Variants in STK40 observed in about 807,000 individuals in gnomAD.
The protein encoded by STK40 is serine/threonine kinase 40, also known as serine/threonine-protein kinase 40.
A neutral mutation model predicts 47.9 loss-of-function variants in STK40; 13 were observed. The ratio of observed to expected loss-of-function variants is 0.27; its 90% CI spans 0.18 to 0.43. The LOEUF (loss-of-function observed/expected upper bound fraction) is 0.43, where lower values mean the gene tolerates loss of function less well. STK40 is among the 20% of genes least tolerant of loss of function. STK40 has a pLI of 1.00. For synonymous variants in STK40, 225 were observed against 243.2 expected, an observed-to-expected ratio of 0.93 and a Z score of 0.69; for missense variants, 460 against 595.1, an observed-to-expected ratio of 0.77 and a Z score of 2.36.
intron 1 of STK40, among the ~76,000 whole-genome samples, chr1:36,378,532 C>T (rs1193320075): frequency 6.6e-6 from 1 of 151,914 alleles, no homozygotes; most frequent in Non-Finnish European, 1.5e-5. Flanking sequence ...GATCTTGGCT[C>T]ACTGCAACCT....
At chr1:36,365,178 T>TG (rs1370972384) in intron 1 of STK40, among the ~76,000 whole-genome samples, 1 of 152,126 alleles carries the variant, frequency 6.6e-6, no homozygotes, top group Non-Finnish European at 1.5e-5. Flanking sequence ...TTAGTAGAGA[T>TG]GGGGTTCTTC....
Position 36,385,879 on chromosome 1 carries a change from G to A in STK40, c.-165C>T, listed in dbSNP as rs1293629626. The A allele has an allele frequency of 1.0e-4, 18 of 178,212 alleles. No homozygotes were observed. Among genetic ancestry groups the A allele is most frequent in the South Asian group, 5.3e-4 (4 of 7,558 alleles). The allele number at this position is 178,212 out of a possible 1,614,324, so 11.0% of individuals were successfully genotyped here. On this transcript the variant is annotated 5_prime_UTR_variant, in exon 1 of 11. Transcript: ENST00000373132. ...CACCCGAGCCGCCGCCGCCGCCGCC[G>A]CCGCCTCCCTCCATGGCTGCGGCGC...
At chr1:36,355,457 G>A in intron 4 of STK40, 24 bp from the exon 5 acceptor site, 2 of 1,613,318 alleles carry the variant, frequency 1.2e-6, no homozygotes, top group South Asian at 2.2e-5. Context: ...GGGTAGCGCA[G>A]GGCTTGGCTG....
At chr1:36,365,336 C>T (rs1570455927) in intron 1 of STK40, among the ~76,000 whole-genome samples, 2 of 152,190 alleles carry the variant, frequency 1.3e-5, no homozygotes, top group African/African-American at 2.4e-5. Context: ...ATATGTGGTG[C>T]ACCAGAAAGT....
intron 7 of STK40, among the ~76,000 whole-genome samples, chr1:36,344,856 T>C (rs1196727145): frequency 3.9e-5 from 6 of 152,210 alleles, no homozygotes; most frequent in Admixed American, 1.3e-4. Flanking sequence ...AGTTTCCTCA[T>C]CTGTAAAGCG....
intron 4 of STK40, among the ~76,000 whole-genome samples, chr1:36,356,428 T>C (rs1266717238): frequency 2.8e-5 from 4 of 143,330 alleles, no homozygotes; most frequent in Non-Finnish European, 4.6e-5. Flanking sequence ...CTTTTTTTTT[T>C]TTTTTTTTTT....
chr1:36,357,291 T>C (rs1042970053), intron 4 of STK40, among the ~76,000 whole-genome samples: 2 of 152,250 alleles, frequency 1.3e-5, no homozygotes, highest in Admixed American at 1.3e-4. Context: ...AAAATGTGAC[T>C]GCTCTCTCTG....
intron 1 of STK40, among the ~76,000 whole-genome samples, chr1:36,370,060 T>C (rs1023998552): frequency 2.3e-4 from 35 of 152,206 alleles, no homozygotes; most frequent in African/African-American, 8.0e-4. Flanking sequence ...TGTAGGTAAC[T>C]GGGGCTGCAC....
intron 1 of STK40, among the ~76,000 whole-genome samples, chr1:36,362,051 T>C (rs1646856996): frequency 6.6e-6 from 1 of 152,182 alleles, no homozygotes. Context: ...AAATTCATTG[T>C]GTATTTAAGA....
intron 5 of STK40, 45 bp from the exon 6 acceptor site, chr1:36,354,461 T>G: frequency 6.2e-7 from 1 of 1,610,540 alleles, no homozygotes; most frequent in Non-Finnish European, 8.5e-7. Flanking sequence ...ATGTGAGAGG[T>G]GGGGTCAGGG....
rs753999213 is a variant in STK40, at chr1:36,344,098, C to T, written c.884+22G>A. On this transcript the variant is annotated intron_variant, in intron 8 of 10. Coordinates refer to ENST00000373132, the MANE Select transcript of STK40 (RefSeq NM_001282547.2). ...CCCATCAGGCTGGCTGCCCCCCCCA[C>T]CCCCCGGGAGGCAGGACTCACTCAG... 19 of 1,568,030 alleles carry T rather than the reference C, an allele frequency of 1.2e-5. No homozygotes were observed. In the South Asian group the frequency reaches 2.1e-4, roughly 17 times the overall value.
In STK40 at chr1:36,343,563, C is replaced by T. The variant is rs929627401; in HGVS notation, c.1005-115G>A. On this transcript the variant is annotated intron_variant, in intron 9 of 10. Coordinates refer to ENST00000373132, the MANE Select transcript of STK40 (RefSeq NM_001282547.2). ...GTTCCTGCCATGAGAGACTGCTTCTCTGAGCCTCAGTTTTCTTATCCCATA... is the reference window on the plus strand; with the variant it reads ...GTTCCTGCCATGAGAGACTGCTTCTTTGAGCCTCAGTTTTCTTATCCCATA... The T allele has an allele frequency of 2.8e-6, 3 of 1,083,832 alleles. No individual in the cohort carries two copies. In the African/African-American group the frequency reaches 4.8e-5, roughly 17 times the overall value. The allele number at this position is 1,083,832 out of a possible 1,614,324, so 67.1% of individuals were successfully genotyped here.
At chr1:36,376,391 G>A (rs565034302) in intron 1 of STK40, among the ~76,000 whole-genome samples, 79 of 152,310 alleles carry the variant, frequency 5.2e-4, no homozygotes, top group African/African-American at 1.9e-3. Context: ...TGAAACCATA[G>A]CCAACAAAGA....
chr1:36,345,618 C>T (rs2124725694), intron 7 of STK40, among the ~76,000 whole-genome samples: 1 of 152,314 alleles, frequency 6.6e-6, no homozygotes, highest in South Asian at 2.1e-4. Context: ...CTAGAACTTG[C>T]TCCACCAAGT....
At chr1:36,350,419 G>T (rs560890304) in intron 6 of STK40, among the ~76,000 whole-genome samples, 97 of 152,324 alleles carry the variant, frequency 6.4e-4, no homozygotes, top group African/African-American at 2.2e-3. Flanking sequence ...GGTCTCTGAG[G>T]CTCAAGACGC....
intron 1 of STK40, among the ~76,000 whole-genome samples, chr1:36,367,079 C>T (rs1183794892): frequency 2.0e-5 from 3 of 151,278 alleles, no homozygotes; most frequent in Non-Finnish European, 2.9e-5. Context: ...AACTCCTGAC[C>T]TTAGGTAATC....
chr1:36,376,443 C>T (rs11577907), intron 1 of STK40, among the ~76,000 whole-genome samples: 29,951 of 152,154 alleles, frequency 0.2, 3,082 homozygotes, highest in Non-Finnish European at 0.23. Flanking sequence ...ATGCCAGTTC[C>T]GGGGATGGAT....
intron 2 of STK40, among the ~76,000 whole-genome samples, chr1:36,359,823 CCA>C (rs1646836417): frequency 6.6e-6 from 1 of 152,222 alleles, no homozygotes; most frequent in Admixed American, 6.5e-5. Context: ...CTGTCCCATG[CCA>C]CACTCCAGCT....
intron 1 of STK40, among the ~76,000 whole-genome samples, chr1:36,370,625 C>T (rs1383739200): frequency 1.3e-5 from 2 of 152,120 alleles, no homozygotes; most frequent in East Asian, 1.9e-4. Context: ...TAGATTCCTG[C>T]GCACCTCTCT....
Sources: gnomAD v4.1 joint callset for allele counts (sites outside exome capture counted in the v4.1 genomes callset) on GRCh38, gnomAD v4.1.1 for gene constraint, MANE v1.5 for transcripts, NCBI Gene and HGNC (gene_info 2026-07-23, HGNC 2026-07-21) for gene names.